GAS7: variants seen among roughly 807,000 people sequenced by gnomAD.
GAS7 encodes the protein growth arrest-specific protein 7.
GAS7 carries 28 observed loss-of-function variants against 71.1 expected under a neutral mutation model. The ratio of observed to expected loss-of-function variants is 0.39; its 90% CI spans 0.29 to 0.54. The LOEUF (loss-of-function observed/expected upper bound fraction) is 0.54. Ranked by LOEUF, GAS7 falls within the 20% of genes least tolerant of loss-of-function variation. The probability of loss-of-function intolerance (pLI) is 0.62; values close to 1 mark genes in which losing one functional copy is unlikely to be tolerated. For missense variants in GAS7, 436 were observed against 627.8 expected (o/e 0.69, Z 3.27); for synonymous variants, 258 against 245.8 (o/e 1.05, Z -0.46).
Position 9,991,186 on chromosome 17 carries a change from G to C in GAS7, c.305-9302C>G, listed in dbSNP as rs78336868. 5.1e-4 allele frequency among the ~76,000 whole-genome samples: 77 copies of C among 152,280 alleles called. No individual in the cohort carries two copies. The East Asian group carries it at 0.014, about 27-fold the overall frequency. ...TTCCCAACTTCTACCCCAGAAGCTG[G>C]ATCCCTGCCTCACCCCTCCTTTTGA... On this transcript the variant is annotated intron_variant, in intron 2 of 13. Coordinates refer to ENST00000432992, the MANE Select transcript of GAS7 (RefSeq NM_201433.2).
chr17:10,028,806 G>A (rs2072537190), intron 1 of GAS7, among the ~76,000 whole-genome samples: 1 of 152,154 alleles, frequency 6.6e-6, no homozygotes, highest in Non-Finnish European at 1.5e-5. Flanking sequence ...AATCAATACT[G>A]CAAAACAAAG....
intron 1 of GAS7, among the ~76,000 whole-genome samples, chr17:10,027,982 T>C (rs6503280): frequency 0.32 from 49,404 of 152,150 alleles, 8,269 homozygotes; most frequent in African/African-American, 0.41. Context: ...CTCTCAGGTT[T>C]AAACAATTCT....
intron 1 of GAS7, among the ~76,000 whole-genome samples, chr17:10,150,020 C>A (rs1371430686): frequency 6.6e-6 from 1 of 152,052 alleles, no homozygotes; most frequent in African/African-American, 2.4e-5. Flanking sequence ...AAGTGTTCTG[C>A]AGTTAGTGAA....
intron 1 of GAS7, among the ~76,000 whole-genome samples, chr17:10,035,108 G>A (rs987904003): frequency 2.6e-5 from 4 of 151,866 alleles, no homozygotes; most frequent in African/African-American, 7.3e-5. Context: ...GCTTGACTTC[G>A]GCTCTTCCCA....
At chr17:10,010,156 T>C (rs967148512) in intron 2 of GAS7, among the ~76,000 whole-genome samples, 1 of 151,914 alleles carries the variant, frequency 6.6e-6, no homozygotes, top group Admixed American at 6.6e-5. Context: ...TTTTTTTTTT[T>C]CTTTCTTTTT....
intron 1 of GAS7, among the ~76,000 whole-genome samples, chr17:10,076,763 T>C (rs1329541576): frequency 6.6e-6 from 1 of 152,170 alleles, no homozygotes; most frequent in Non-Finnish European, 1.5e-5. Flanking sequence ...CTGAACTGTC[T>C]CTTCCTGCAT....
intron 1 of GAS7, among the ~76,000 whole-genome samples, chr17:10,143,633 T>C (rs1277948254): frequency 6.6e-6 from 1 of 151,662 alleles, no homozygotes; most frequent in East Asian, 1.9e-4. Context: ...GGTGTCCTTA[T>C]AAGAAGAGGA....
chr17:9,952,809 C>A (rs2069075118), intron 5 of GAS7, among the ~76,000 whole-genome samples: 1 of 152,108 alleles, frequency 6.6e-6, no homozygotes, highest in South Asian at 2.1e-4. Flanking sequence ...CATGGCATGC[C>A]AATCAGAATG....
chr17:9,995,328 G>A (rs995386399), intron 2 of GAS7, among the ~76,000 whole-genome samples: 1 of 152,086 alleles, frequency 6.6e-6, no homozygotes, highest in African/African-American at 2.4e-5. Context: ...CATGGCTGAT[G>A]GCTGATTTTT....
intron 9 of GAS7, among the ~76,000 whole-genome samples, chr17:9,930,490 G>A (rs192876056): frequency 1.3e-4 from 20 of 152,308 alleles, no homozygotes; most frequent in African/African-American, 4.8e-4. Context: ...TCTACCGCAT[G>A]AGATTTTCTA....
intron 2 of GAS7, among the ~76,000 whole-genome samples, chr17:9,993,194 T>C (rs1344778240): frequency 6.6e-6 from 1 of 151,586 alleles, no homozygotes; most frequent in African/African-American, 2.4e-5. Context: ...ACTTCCACAA[T>C]GGTTGAACTA....
intron 1 of GAS7, among the ~76,000 whole-genome samples, chr17:10,121,443 T>C (rs1236744949): frequency 6.6e-6 from 1 of 152,154 alleles, no homozygotes; most frequent in East Asian, 1.9e-4. Context: ...AGAGATGGCC[T>C]GGTTCTGCTA....
At chr17:9,949,852 G>A (rs2068937773) in intron 5 of GAS7, among the ~76,000 whole-genome samples, 1 of 93,380 alleles carries the variant, frequency 1.1e-5, no homozygotes, top group African/African-American at 4.2e-5. Context: ...CTTCCCTCCT[G>A]CCCTCCCTCC....
intron 2 of GAS7, among the ~76,000 whole-genome samples, chr17:10,016,011 A>G (rs905941685): frequency 1.2e-4 from 19 of 152,194 alleles, no homozygotes; most frequent in African/African-American, 3.6e-4. Flanking sequence ...TTAAATCCCC[A>G]GTATCCCAAG....
chr17:10,133,032 G>C (rs2074009394), intron 1 of GAS7, among the ~76,000 whole-genome samples: 1 of 151,458 alleles, frequency 6.6e-6, no homozygotes, highest in Non-Finnish European at 1.5e-5. Flanking sequence ...CAGACCAACA[G>C]ACAGACCAAC....
At chr17:10,162,035 C>A (rs1323697560) in intron 1 of GAS7, among the ~76,000 whole-genome samples, 3 of 146,718 alleles carry the variant, frequency 2.0e-5, no homozygotes, top group Admixed American at 6.8e-5. Flanking sequence ...CCACTGCACT[C>A]CAGCCTGGGC....
chr17:10,061,530 C>T (rs2073220057), intron 1 of GAS7, among the ~76,000 whole-genome samples: 1 of 152,250 alleles, frequency 6.6e-6, no homozygotes, highest in Non-Finnish European at 1.5e-5. Flanking sequence ...AGCAATCCTG[C>T]TTCGGCTGAC....
intron 1 of GAS7, among the ~76,000 whole-genome samples, chr17:10,062,960 G>C (rs983007604): frequency 3.3e-5 from 5 of 152,246 alleles, no homozygotes; most frequent in Admixed American, 1.3e-4. Context: ...GGGAAGGCAG[G>C]GATGTCCAGG....
chr17:10,044,039 G>A (rs902779252), intron 1 of GAS7, among the ~76,000 whole-genome samples: 1 of 152,238 alleles, frequency 6.6e-6, no homozygotes, highest in Non-Finnish European at 1.5e-5. Context: ...TGAAACCTTT[G>A]AAATGGTGGC....
Sources: gnomAD v4.1 joint callset for allele counts (sites outside exome capture counted in the v4.1 genomes callset) on GRCh38, gnomAD v4.1.1 for gene constraint, MANE v1.5 for transcripts, NCBI Gene and HGNC (gene_info 2026-07-23, HGNC 2026-07-21) for gene names.